Variants in TUSC3 observed in about 807,000 individuals in gnomAD.
The protein encoded by TUSC3 is dolichyl-diphosphooligosaccharide--protein glycosyltransferase subunit TUSC3.
A neutral mutation model predicts 44.8 loss-of-function variants in TUSC3; 45 were observed. The observed-to-expected ratio is 1.00, with a 90% CI of 0.79 to 1.29. The LOEUF (loss-of-function observed/expected upper bound fraction) is 1.29. TUSC3 is among the 50% of genes most tolerant of loss of function. TUSC3 has a pLI of 0.00. For synonymous variants in TUSC3, 212 were observed against 152.9 expected (o/e 1.39, Z -2.85); for missense variants, 519 against 437.9 (o/e 1.19, Z -1.65).
chr8:15,655,324 C>T lies in TUSC3; in HGVS notation c.427-4183C>T, dbSNP rs556904266. The stretch of plus-strand genomic sequence containing the variant: ...TGGCGGTGTTTAACTGTAATATGAC[C>T]TTCCTCGCGGAACACTCCACTAGTA... On this transcript the variant is annotated intron_variant, in intron 3 of 10. Coordinates refer to ENST00000503731, the MANE Select transcript of TUSC3 (RefSeq NM_006765.4). Among the ~76,000 whole-genome samples the T allele has an allele frequency of 5.3e-5, 8 of 152,260 alleles. No individual in the cohort carries two copies. In the South Asian group the frequency reaches 1.5e-3, roughly 28 times the overall value.
chr8:15,808,941 T>C, the TUSC3 span, among the ~76,000 whole-genome samples: 1 of 152,062 alleles, frequency 6.6e-6, no homozygotes, highest in Non-Finnish European at 1.5e-5. Context: ...TATATATAAT[T>C]ATAGCTATTT....
chr8:15,561,512 T>G (rs1208828397), intron 1 of TUSC3: 1 of 148,740 alleles, frequency 6.7e-6, no homozygotes, highest in Non-Finnish European at 1.5e-5. Context: ...CAGGCCTCCT[T>G]GAGCTGTGGT....
chr8:15,429,129 G>C (rs192746274), intron 1 of TUSC3, among the ~76,000 whole-genome samples: 7,854 of 152,078 alleles, frequency 0.052, 597 homozygotes, highest in African/African-American at 0.16. Flanking sequence ...TTTAATCCAT[G>C]TTGAATTAAT....
At chr8:15,447,871 T>C (rs1800127433) in intron 1 of TUSC3, among the ~76,000 whole-genome samples, 1 of 151,838 alleles carries the variant, frequency 6.6e-6, no homozygotes, top group South Asian at 2.1e-4. Context: ...CGTATTTATA[T>C]ATCACAACGT....
At chr8:15,789,716 G>A in the TUSC3 span, among the ~76,000 whole-genome samples, 17 of 152,106 alleles carry the variant, frequency 1.1e-4, no homozygotes, top group African/African-American at 3.9e-4. Flanking sequence ...ACATTTGCCA[G>A]GAGCCAAGAA....
At chr8:15,730,576 A>C in intron 6 of TUSC3, 90 bp from the exon 7 acceptor site, 1 of 1,278,138 alleles carries the variant, frequency 7.8e-7, no homozygotes, top group Non-Finnish European at 1.1e-6. Flanking sequence ...ATCGAATTAG[A>C]TTTTTCCATT....
At chr8:15,487,509 G>C (rs546162679) in intron 2 of TUSC3, among the ~76,000 whole-genome samples, 8 of 152,242 alleles carry the variant, frequency 5.3e-5, no homozygotes, top group Admixed American at 5.2e-4. Flanking sequence ...TTATCCATTT[G>C]TATTATTATA....
At chr8:15,648,621 G>T (rs1806736396) in intron 2 of TUSC3, among the ~76,000 whole-genome samples, 1 of 150,650 alleles carries the variant, frequency 6.6e-6, no homozygotes, top group Admixed American at 6.6e-5. Context: ...AGCTACTCGG[G>T]AGGCTGAGGC....
At chr8:15,536,072 C>T (rs1801517934), upstream of TUSC3, among the ~76,000 whole-genome samples, 1 of 152,168 alleles carries the variant, frequency 6.6e-6, no homozygotes, top group South Asian at 2.1e-4. Flanking sequence ...CTTCTCCTTC[C>T]AGTGTGCCCC....
chr8:15,421,351 C>T lies in TUSC3; in HGVS notation n.91+4046C>T, dbSNP rs187437451. Among the ~76,000 whole-genome samples, 7 of 152,238 alleles carry T rather than the reference C, an allele frequency of 4.6e-5. No homozygotes were observed. In the East Asian group the frequency reaches 1.4e-3, roughly 29 times the overall value. On this transcript the variant is annotated intron_variant and non_coding_transcript_variant, in intron 1 of 5. Coordinates refer to the TUSC3 transcript ENST00000503191. ...TACTCTGAATTTATTCTGCCAAGAA[C>T]ACAGGAGACACTACCTTTGAGCCCT...
At chr8:15,541,652 T>G (rs1254357793) in intron 1 of TUSC3, among the ~76,000 whole-genome samples, 1 of 152,162 alleles carries the variant, frequency 6.6e-6, no homozygotes, top group Non-Finnish European at 1.5e-5. Flanking sequence ...AATTTTAACA[T>G]GAAAGTAGGT....
the TUSC3 span, among the ~76,000 whole-genome samples, chr8:15,835,515 T>C: frequency 0.012 from 1,869 of 152,280 alleles, 18 homozygotes; most frequent in Middle Eastern, 0.021. Flanking sequence ...TTTCTAGTAA[T>C]TTTAATTTCT....
At chr8:15,690,442 C>G (rs1808849333) in intron 6 of TUSC3, among the ~76,000 whole-genome samples, 1 of 151,754 alleles carries the variant, frequency 6.6e-6, no homozygotes. Flanking sequence ...TTCTCCTGTT[C>G]TGTAGGTTGT....
At chr8:15,801,231 C>T in the TUSC3 span, among the ~76,000 whole-genome samples, 4 of 152,154 alleles carry the variant, frequency 2.6e-5, no homozygotes, top group Non-Finnish European at 5.9e-5. Flanking sequence ...AGACCATATA[C>T]GGTAATTTCC....
In TUSC3 at chr8:15,549,319, G is replaced by A. The variant is rs369382272; in HGVS notation, c.138+8751G>A. 1.7e-4 allele frequency among the ~76,000 whole-genome samples: 26 copies of A among 151,650 alleles called. 3 individuals are homozygous for A. The East Asian group carries it at 3.1e-3, about 18-fold the overall frequency. Reference sequence around the variant, plus strand: ...CACCTGAGGAGCTGGGATTACAGGCGCACGCCACCACATCTGGCTGATTTT... The same window carrying A: ...CACCTGAGGAGCTGGGATTACAGGCACACGCCACCACATCTGGCTGATTTT... On this transcript the variant is annotated intron_variant, in intron 1 of 10. Coordinates refer to ENST00000503731, the MANE Select transcript of TUSC3 (RefSeq NM_006765.4).
Position 15,527,741 on chromosome 8 carries a change from A to G in TUSC3, n.189+44258A>G, listed in dbSNP as rs978610984. Among the ~76,000 whole-genome samples, 5 of 152,298 alleles carry G rather than the reference A, an allele frequency of 3.3e-5. 1 individual carries two copies. The Middle Eastern group carries it at 0.014, about 414-fold the overall frequency. On this transcript the variant is annotated intron_variant and non_coding_transcript_variant, in intron 2 of 5. Coordinates refer to the TUSC3 transcript ENST00000503191. ...TACTTCTGAAGCTCACTTTATTTTCAGTGGGAAAGGCACTGTATACAGTAA... is the reference window on the plus strand; with the variant it reads ...TACTTCTGAAGCTCACTTTATTTTCGGTGGGAAAGGCACTGTATACAGTAA...
rs77759908 is a variant in TUSC3, at chr8:15,441,841, C to G, written n.91+24536C>G. Among the ~76,000 whole-genome samples, 10 of 152,272 alleles carry G rather than the reference C, an allele frequency of 6.6e-5. No homozygotes were observed. In the East Asian group the frequency reaches 1.2e-3, roughly 18 times the overall value. ...TATAGAGCTTTTTGATTATGCTTCT[C>G]TAAGCACAATGTCAACCAAACAAGT... On this transcript the variant is annotated intron_variant and non_coding_transcript_variant, in intron 1 of 5. Coordinates refer to the TUSC3 transcript ENST00000503191.
intron 1 of TUSC3, among the ~76,000 whole-genome samples, chr8:15,607,749 A>G (rs1804594666): frequency 6.6e-6 from 1 of 152,168 alleles, no homozygotes; most frequent in African/African-American, 2.4e-5. Flanking sequence ...TTCCTTCAAT[A>G]TGCATAACAT....
At chr8:15,479,964 A>C (rs969920713) in intron 1 of TUSC3, among the ~76,000 whole-genome samples, 4 of 152,190 alleles carry the variant, frequency 2.6e-5, no homozygotes, top group African/African-American at 9.7e-5. Flanking sequence ...CTCAGGATAC[A>C]AAATCAGTGC....
Sources: gnomAD v4.1 joint callset for allele counts (sites outside exome capture counted in the v4.1 genomes callset) on GRCh38, gnomAD v4.1.1 for gene constraint, MANE v1.5 for transcripts, NCBI Gene and HGNC (gene_info 2026-07-23, HGNC 2026-07-21) for gene names.